NALCN: variants seen among roughly 807,000 people sequenced by gnomAD.
NALCN encodes the protein sodium leak channel, non-selective, also known as sodium leak channel NALCN.
A neutral mutation model predicts 225.3 loss-of-function variants in NALCN; 111 were observed. The observed-to-expected ratio is 0.49, with a 90% CI of 0.42 to 0.58. The LOEUF is 0.58. NALCN is among the 20% of genes least tolerant of loss of function. The probability of loss-of-function intolerance (pLI) is 0.00; values close to 1 mark genes in which losing one functional copy is unlikely to be tolerated. For missense variants in NALCN, 1,378 were observed against 2,202.4 expected, an observed-to-expected ratio of 0.63 and a Z score of 7.49; for synonymous variants, 764 against 769.0, an observed-to-expected ratio of 0.99 and a Z score of 0.11.
At chr13:101,083,858 G>GAACATGGC in intron 30 of NALCN, 54 bp from the exon 31 acceptor site, 1 of 1,540,732 alleles carries the variant, frequency 6.5e-7, no homozygotes, top group South Asian at 1.1e-5. Context: ...CTTGCACCAA[G>GAACATGGC]AACATGGCAG....
intron 11 of NALCN, among the ~76,000 whole-genome samples, chr13:101,252,174 C>G (rs2042080609): frequency 6.6e-6 from 1 of 152,168 alleles, no homozygotes; most frequent in Non-Finnish European, 1.5e-5. Context: ...TAGAGTCACA[C>G]ATCGATGGCC....
chr13:101,348,287 A>G (rs1292490043), intron 6 of NALCN, among the ~76,000 whole-genome samples: 1 of 152,096 alleles, frequency 6.6e-6, no homozygotes, highest in African/African-American at 2.4e-5. Context: ...TAGTTTTCCA[A>G]TCCATAATGG....
intron 37 of NALCN, among the ~76,000 whole-genome samples, chr13:101,069,429 G>A (rs756301778): frequency 8.5e-5 from 13 of 152,204 alleles, no homozygotes; most frequent in African/African-American, 3.1e-4. Context: ...TTATTGCTAA[G>A]AAAAGCTAAC....
intron 15 of NALCN, among the ~76,000 whole-genome samples, chr13:101,145,714 T>C (rs2037314142): frequency 6.6e-6 from 1 of 152,160 alleles, no homozygotes; most frequent in African/African-American, 2.4e-5. Flanking sequence ...TCTTTACTTC[T>C]GTTTACCTCT....
chr13:101,341,368 T>C (rs1228439076), intron 7 of NALCN, among the ~76,000 whole-genome samples: 1 of 152,242 alleles, frequency 6.6e-6, no homozygotes, highest in Non-Finnish European at 1.5e-5. Flanking sequence ...GAGTTCCATA[T>C]TGACATGAAG....
chr13:101,124,833 C>T (rs1272089404), intron 17 of NALCN, 152 bp from the exon 18 acceptor site: 1 of 781,954 alleles, frequency 1.3e-6, no homozygotes, highest in Admixed American at 2.7e-5. Context: ...TCTATTTTTA[C>T]TTTTATTTGG....
chr13:101,117,729 T>C (rs1488630429), intron 18 of NALCN, among the ~76,000 whole-genome samples: 1 of 152,200 alleles, frequency 6.6e-6, no homozygotes, highest in Admixed American at 6.5e-5. Flanking sequence ...ATTATTCCAC[T>C]GTCTGGATGT....
chr13:101,242,273 T>C lies in NALCN; in HGVS notation c.1267-4351A>G, dbSNP rs1239152162. On this transcript the variant is annotated intron_variant, in intron 11 of 43. Transcript: ENST00000251127. ...CTTCCTGTGTATTTTATGTCATTGC[T>C]GTTTCATTTTTAACCTTATCTTGTC... Among the ~76,000 whole-genome samples the C allele has an allele frequency of 8.5e-5, 9 of 106,448 alleles. 4 individuals are homozygous for C. Among genetic ancestry groups the C allele is most frequent in the Non-Finnish European group, 1.1e-4 (5 of 47,606 alleles). 69.8% of individuals were successfully genotyped at this position (106,448 alleles called of 152,430 possible).
Position 101,345,425 on chromosome 13 carries a change from G to A in NALCN, c.645-5C>T, listed in dbSNP as rs757994994. 21 of 1,610,840 alleles carry A rather than the reference G, an allele frequency of 1.3e-5. No homozygotes were observed. Among genetic ancestry groups the A allele is most frequent in the Non-Finnish European group, 1.8e-5 (21 of 1,178,546 alleles). On this transcript the variant is annotated splice_polypyrimidine_tract_variant and splice_region_variant and intron_variant, in intron 6 of 43. Transcript: ENST00000251127. Reference sequence around the variant, plus strand: ...AAACTATTCCAGGTTACATTCCTGTGAACAACACATGAAAGTGTTAGACAA... The same window carrying A: ...AAACTATTCCAGGTTACATTCCTGTAAACAACACATGAAAGTGTTAGACAA...
At chr13:101,097,867 C>T (rs897177542) in intron 27 of NALCN, among the ~76,000 whole-genome samples, 5 of 152,184 alleles carry the variant, frequency 3.3e-5, no homozygotes, top group African/African-American at 9.7e-5. Flanking sequence ...ATGAAATTAA[C>T]ACTCACTGTT....
chr13:101,272,885 C>T (rs1170368711), intron 10 of NALCN, among the ~76,000 whole-genome samples: 4 of 152,172 alleles, frequency 2.6e-5, no homozygotes, highest in Admixed American at 6.5e-5. Context: ...GAAATGCTCA[C>T]ATCACACAGG....
intron 13 of NALCN, among the ~76,000 whole-genome samples, chr13:101,224,752 A>G (rs150810762): frequency 0.017 from 2,592 of 152,176 alleles, 26 homozygotes; most frequent in Admixed American, 0.03. Flanking sequence ...TTTCAAACCT[A>G]TTACAACTCT....
intron 7 of NALCN, among the ~76,000 whole-genome samples, chr13:101,320,703 G>C (rs519745): frequency 0.43 from 61,950 of 145,320 alleles, 12,981 homozygotes; most frequent in Non-Finnish European, 0.47. Context: ...GTTTTTGTTA[G>C]TGACTGCAGT....
chr13:101,411,132 T>G (rs2047769189), intron 1 of NALCN, among the ~76,000 whole-genome samples: 2 of 152,230 alleles, frequency 1.3e-5, no homozygotes, highest in Non-Finnish European at 2.9e-5. Context: ...TCTCAGTTTT[T>G]GCTATCAGAT....
intron 11 of NALCN, among the ~76,000 whole-genome samples, chr13:101,253,517 C>T (rs1471277683): frequency 1.3e-5 from 2 of 152,120 alleles, no homozygotes; most frequent in Admixed American, 6.5e-5. Context: ...GTTATTATAA[C>T]TATTTTGAGA....
At chr13:101,188,793 TCC>T (rs56125402) in intron 14 of NALCN, among the ~76,000 whole-genome samples, 107,630 of 151,416 alleles carry the variant, frequency 0.71, 39,308 homozygotes, top group African/African-American at 0.89. Context: ...CAAGTGATTC[TCC>T]CCTGCCTCAG....
At chr13:101,134,538 A>G (rs2036673687) in intron 17 of NALCN, among the ~76,000 whole-genome samples, 2 of 152,368 alleles carry the variant, frequency 1.3e-5, no homozygotes, top group East Asian at 3.9e-4. Context: ...ATAATATTAA[A>G]GTATTACTTT....
intron 17 of NALCN, among the ~76,000 whole-genome samples, chr13:101,135,056 G>T (rs1393009719): frequency 1.3e-5 from 2 of 152,020 alleles, no homozygotes; most frequent in Non-Finnish European, 2.9e-5. Flanking sequence ...TTAGCCGGGC[G>T]TGGTTGCGGG....
At chr13:101,195,108 C>T (rs564199986) in intron 13 of NALCN, among the ~76,000 whole-genome samples, 26 of 152,278 alleles carry the variant, frequency 1.7e-4, no homozygotes, top group Middle Eastern at 6.8e-3. Context: ...CAATTTAGTC[C>T]TCTTGGGTGA....
Sources: gnomAD v4.1 joint callset for allele counts (sites outside exome capture counted in the v4.1 genomes callset) on GRCh38, gnomAD v4.1.1 for gene constraint, MANE v1.5 for transcripts, NCBI Gene and HGNC (gene_info 2026-07-23, HGNC 2026-07-21) for gene names.